YAE1: variants seen among roughly 807,000 people sequenced by gnomAD.
YAE1 encodes the protein YAE1 maturation factor of ABCE1.
YAE1 carries 22 observed loss-of-function variants against 23.0 expected under a neutral mutation model. The ratio of observed to expected loss-of-function variants is 0.96; its 90% CI spans 0.68 to 1.37. The LOEUF is 1.37. Ranked by LOEUF, YAE1 falls within the 40% of genes most tolerant of loss-of-function variation. YAE1 has a pLI of 0.00. For missense variants in YAE1, 260 were observed against 262.1 expected, an observed-to-expected ratio of 0.99 and a Z score of 0.06; for synonymous variants, 101 against 97.0, an observed-to-expected ratio of 1.04 and a Z score of -0.24.
At chr7:39,575,577 A>AGAGAGAGTGAGTGAGTGAGTGT (rs1173016799), downstream of YAE1, among the ~76,000 whole-genome samples, 14 of 80,196 alleles carry the variant, frequency 1.7e-4, no homozygotes, top group African/African-American at 1.2e-3. Flanking sequence ...AGAGAGAGAG[A>AGAGAGAGTGAGTGAGTGAGTGT]GTGAGTGTGT....
intron 2 of YAE1, among the ~76,000 whole-genome samples, chr7:39,590,519 A>C (rs1403245858): frequency 6.6e-6 from 1 of 152,144 alleles, no homozygotes; most frequent in African/African-American, 2.4e-5. Flanking sequence ...AGAAATTCAG[A>C]ATTCAGATGT....
At chr7:39,600,003 A>G (rs1791033089) in intron 2 of YAE1, among the ~76,000 whole-genome samples, 1 of 152,210 alleles carries the variant, frequency 6.6e-6, no homozygotes, top group Admixed American at 6.5e-5. Flanking sequence ...TGGTCCTTAA[A>G]CATTGATAGT....
chr7:39,610,242 C>A (rs1791190974), exon 3 of YAE1: 4 of 558,604 alleles, frequency 7.2e-6, no homozygotes, highest in Admixed American at 6.0e-5. Flanking sequence ...GCAGATTATG[C>A]GACCATGTGG....
chr7:39,610,082 G>T, exon 3 of YAE1: 1 of 1,400,794 alleles, frequency 7.1e-7, no homozygotes, highest in Non-Finnish European at 9.4e-7. Flanking sequence ...CCTGGGTGAA[G>T]ATGGACCAGC....
chr7:39,600,053 AAAGG>A (rs1282121851), intron 2 of YAE1, among the ~76,000 whole-genome samples: 1 of 152,218 alleles, frequency 6.6e-6, no homozygotes, highest in African/African-American at 2.4e-5. Context: ...AAAAGATTGT[AAAGG>A]AAGAGGCACA....
At chr7:39,605,363 A>G (rs1426711676) in intron 2 of YAE1, among the ~76,000 whole-genome samples, 1 of 152,222 alleles carries the variant, frequency 6.6e-6, no homozygotes, top group African/African-American at 2.4e-5. Flanking sequence ...GGATGACATT[A>G]ACATTTGAAT....
chr7:39,572,805 G>C lies in YAE1; in HGVS notation c.*99G>C. ...TTCTGCATCAAACACCTCAACTGTA[G>C]GGTTACCCTTTATGGAAGTTTGAAA... On this transcript the variant is annotated 3_prime_UTR_variant, in exon 3 of 3. Transcript: ENST00000223273. 6.9e-7 allele frequency: 1 copy of C among 1,454,278 alleles called. No homozygotes were observed. Among genetic ancestry groups the C allele is most frequent in the African/African-American group, 1.4e-5 (1 of 70,074 alleles). The allele number at this position is 1,454,278 out of a possible 1,614,324, so 90.1% of individuals were successfully genotyped here.
At chr7:39,607,363 A>G (rs551719547) in intron 2 of YAE1, among the ~76,000 whole-genome samples, 1 of 152,366 alleles carries the variant, frequency 6.6e-6, no homozygotes, top group South Asian at 2.1e-4. Context: ...GGATTATCCT[A>G]TAATCACAAG....
At chr7:39,591,401 A>G (rs1264773566) in intron 2 of YAE1, among the ~76,000 whole-genome samples, 1 of 152,212 alleles carries the variant, frequency 6.6e-6, no homozygotes, top group African/African-American at 2.4e-5. Context: ...AGCATTTTTT[A>G]TGGGTCTGGT....
chr7:39,570,082 C>G, intron 1 of YAE1: 1 of 1,176,938 alleles, frequency 8.5e-7, no homozygotes, highest in Non-Finnish European at 1.2e-6. Flanking sequence ...GCAGCTCTCT[C>G]CAGTTCTTGT....
rs1790476446 is a variant in YAE1, at chr7:39,566,799, A to T, written c.129+252A>T. ...ACCGACCAAAATTAACTATGTGTAG[A>T]CTTTGAACAGTTTGCAGTTTGTTGA... On this transcript the variant is annotated intron_variant, in intron 1 of 2. Coordinates refer to ENST00000223273, the MANE Select transcript of YAE1 (RefSeq NM_020192.5). 7.5e-6 allele frequency: 3 copies of T among 399,148 alleles called. No individual in the cohort carries two copies. The Admixed American group carries it at 1.1e-4, about 14-fold the overall frequency. The allele number at this position is 399,148 out of a possible 1,614,324, so 24.7% of individuals were successfully genotyped here.
chr7:39,600,544 T>C (rs139208533), intron 2 of YAE1, among the ~76,000 whole-genome samples: 8,065 of 152,150 alleles, frequency 0.053, 293 homozygotes, highest in East Asian at 0.12. Context: ...ATTACAGGCA[T>C]GTGCTGCCAC....
At chr7:39,585,402 A>G (rs919376044) in intron 2 of YAE1, among the ~76,000 whole-genome samples, 1 of 152,148 alleles carries the variant, frequency 6.6e-6, no homozygotes, top group Non-Finnish European at 1.5e-5. Context: ...AAGAAATACC[A>G]GGGATGCTCA....
rs1250622744 is a variant in YAE1, at chr7:39,598,419, T to TTTTG, written c.252-11195_252-11194insGTTT. On this transcript the variant is annotated intron_variant, in intron 2 of 2. Coordinates refer to the YAE1 transcript ENST00000432096. ...CCACCGCACCTGGGCCAAGTTTTTT[T>TTTTG]TTTTTTTTTTAAGGAAGTGTTGATG... Among the ~76,000 whole-genome samples, 30 of 151,886 alleles carry TTTTG rather than the reference T, an allele frequency of 2.0e-4. 1 individual carries two copies. Among genetic ancestry groups the TTTTG allele is most frequent in the African/African-American group, 6.5e-4 (27 of 41,378 alleles).
chr7:39,570,749 C>T (rs1790552172), intron 2 of YAE1, 122 bp downstream of exon 2: 2 of 1,268,958 alleles, frequency 1.6e-6, no homozygotes, highest in Non-Finnish European at 2.1e-6. Context: ...TAAAGCGTGT[C>T]GCAGATCATA....
downstream of YAE1, among the ~76,000 whole-genome samples, chr7:39,611,847 T>C (rs534187735): frequency 6.6e-6 from 1 of 152,342 alleles, no homozygotes; most frequent in South Asian, 2.1e-4. Flanking sequence ...TGAGGGCTTA[T>C]TTTGAAAAAT....
downstream of YAE1, among the ~76,000 whole-genome samples, chr7:39,611,706 G>A (rs560695051): frequency 6.6e-6 from 1 of 152,174 alleles, no homozygotes. Flanking sequence ...TGGGAGTTAA[G>A]TATACATTTA....
chr7:39,588,822 T>TG (rs921134133), intron 2 of YAE1, among the ~76,000 whole-genome samples: 4 of 13,420 alleles, frequency 3.0e-4, no homozygotes, highest in South Asian at 0.028. Flanking sequence ...TAATTTTAGG[T>TG]TTTTTTTTTC....
At chr7:39,599,517 G>A (rs571735910) in intron 2 of YAE1, among the ~76,000 whole-genome samples, 1 of 152,030 alleles carries the variant, frequency 6.6e-6, no homozygotes, top group South Asian at 2.1e-4. Context: ...TGGGACTATA[G>A]GCATGTGCCA....
Sources: allele counts gnomAD v4.1 joint callset (sites outside exome capture counted in the v4.1 genomes callset), GRCh38; gene constraint gnomAD v4.1.1; transcripts MANE v1.5; gene names NCBI Gene and HGNC (gene_info 2026-07-23, HGNC 2026-07-21).